Variants in ECSCR observed in about 807,000 individuals in gnomAD.
ECSCR encodes the protein endothelial cell surface expressed chemotaxis and apoptosis regulator.
Under a neutral mutation model 16.7 loss-of-function variants are expected in ECSCR, and 12 were observed. The observed-to-expected ratio is 0.72, with a 90% confidence interval of 0.46 to 1.17. The LOEUF (loss-of-function observed/expected upper bound fraction) is 1.17, where lower values mean the gene tolerates loss of function less well. Ranked by LOEUF, ECSCR falls within the 50% of genes most tolerant of loss-of-function variation. The pLI is 0.00. For missense variants in ECSCR, 122 were observed against 116.1 expected, an observed-to-expected ratio of 1.05 and a Z score of -0.23; for synonymous variants, 44 against 42.2, an observed-to-expected ratio of 1.04 and a Z score of -0.17.
In ECSCR at chr5:139,458,023, G is replaced by T. The variant is rs375893455; in HGVS notation, c.106+116C>A. ...GCCTTGGTGAGTCCTGAGAGCTCCC[G>T]CTCCAGCTGCGGCCCCAGCCCCCTG... On this transcript the variant is annotated intron_variant, in intron 2 of 9. Transcript: ENST00000618155. 11 of 1,265,302 alleles carry T rather than the reference G, an allele frequency of 8.7e-6. No homozygotes were observed. In the East Asian group the frequency reaches 2.3e-4, roughly 26 times the overall value. 78.4% of individuals were successfully genotyped at this position (1,265,302 alleles called of 1,614,324 possible). A position where few individuals can be genotyped will look rare whatever the true frequency, so the allele number is the denominator to read the frequency against.
At chr5:139,458,315 G>GTT in intron 1 of ECSCR, 132 bp from the exon 2 acceptor site, 2 of 712,824 alleles carry the variant, frequency 2.8e-6, no homozygotes. Context: ...AAAAAATTTT[G>GTT]TTTTGTTTTG....
chr5:139,454,783 G>T (rs988238881), intron 7 of ECSCR, 42 bp downstream of exon 7: 2 of 398,352 alleles, frequency 5.0e-6, no homozygotes, highest in Non-Finnish European at 8.8e-6. Context: ...CCCTGGGTCC[G>T]CCAGCAGAGG....
At chr5:139,459,368 C>G (rs764587042) in intron 1 of ECSCR, among the ~76,000 whole-genome samples, 1 of 152,096 alleles carries the variant, frequency 6.6e-6, no homozygotes, top group Non-Finnish European at 1.5e-5. Flanking sequence ...ATGAGCAACC[C>G]ATTCACTCTC....
chr5:139,452,471 T>TG (rs2152088543), intron 8 of ECSCR, among the ~76,000 whole-genome samples: 5 of 60,640 alleles, frequency 8.2e-5, no homozygotes, highest in South Asian at 1.1e-3. Flanking sequence ...GTGTGTGTAG[T>TG]GTGGGGTGTG....
At position 139,448,760 on chromosome 5, in the gene ECSCR, G is replaced by A. The variant is rs890591113; in HGVS notation, c.*140C>T. The A allele has an allele frequency of 6.8e-6, 10 of 1,467,654 alleles. No homozygotes were observed. The African/African-American group carries it at 1.4e-4, about 21-fold the overall frequency. 90.9% of individuals were successfully genotyped at this position (1,467,654 alleles called of 1,614,324 possible). A position where few individuals can be genotyped will look rare whatever the true frequency, so the allele number is the denominator to read the frequency against. ...CTCCCAGATCTGGGGCAATGCTAGT[G>A]TCCTTTAGATCTAGAAGCAGACATG... On this transcript the variant is annotated 3_prime_UTR_variant, in exon 10 of 10. Transcript: ENST00000618155.
At position 139,448,877 on chromosome 5, in the gene ECSCR, C is replaced by T; in HGVS notation, c.*23G>A. The T allele has an allele frequency of 6.5e-7, 1 of 1,537,244 alleles. No individual in the cohort carries two copies. The highest frequency in any genetic ancestry group is 8.7e-7 in the Non-Finnish European group (1 of 1,146,902). ...ACAGGGCAGCTGCATCATCCTTGGA[C>T]TCATGGGGACCCAAAGTTGCTTTTA... On this transcript the variant is annotated 3_prime_UTR_variant, in exon 10 of 10. Transcript: ENST00000618155.
intron 8 of ECSCR, among the ~76,000 whole-genome samples, chr5:139,454,113 A>G (rs1385157059): frequency 1.2e-4 from 10 of 82,788 alleles, no homozygotes; most frequent in Admixed American, 3.6e-4. Context: ...GTGATGTGTG[A>G]TGTGTGGGGT....
At chr5:139,449,262 C>A (rs544186967) in intron 8 of ECSCR, 88 bp from the exon 9 acceptor site, 6 of 962,726 alleles carry the variant, frequency 6.2e-6, no homozygotes, top group East Asian at 5.3e-5. Context: ...GAGCCTTAGA[C>A]CTTTGTCTCA....
intron 1 of ECSCR, 54 bp from the exon 2 acceptor site, chr5:139,458,237 C>G: frequency 6.6e-7 from 1 of 1,516,928 alleles, no homozygotes; most frequent in African/African-American, 1.4e-5. Flanking sequence ...CAGCACAGAG[C>G]CTAGAAAGGA....
rs1751132067 is a variant in ECSCR at position 139,455,307 on chromosome 5, C to T, written c.376+16G>A. On this transcript the variant is annotated intron_variant, in intron 6 of 9. Coordinates refer to ENST00000618155, the MANE Select transcript of ECSCR (RefSeq NM_001077693.4). Reference sequence around the variant, plus strand: ...AGGGGTTCCTCCTATGTCCCACCTTCTCCTTCCGGTCTCACCAAATGCAGC... The same window carrying T: ...AGGGGTTCCTCCTATGTCCCACCTTTTCCTTCCGGTCTCACCAAATGCAGC... 5 of 398,444 alleles carry T rather than the reference C, an allele frequency of 1.3e-5. No homozygotes were observed. The allele number at this position is 398,444 out of a possible 1,614,324, so 24.7% of individuals were successfully genotyped here.
chr5:139,454,820 C>T lies in ECSCR; in HGVS notation c.475+5G>A, dbSNP rs1451886046. The T allele has an allele frequency of 1.8e-5, 7 of 398,532 alleles. No individual in the cohort carries two copies. In the East Asian group the frequency reaches 2.1e-4, roughly 12 times the overall value. The allele number at this position is 398,532 out of a possible 1,614,324, so 24.7% of individuals were successfully genotyped here. A position where few individuals can be genotyped will look rare whatever the true frequency, so the allele number is the denominator to read the frequency against. On this transcript the variant is annotated splice_donor_5th_base_variant and intron_variant, in intron 7 of 9. Coordinates refer to ENST00000618155, the MANE Select transcript of ECSCR (RefSeq NM_001077693.4). ...GAAAAAGATCCCCGAGGGCAGGGCACGCACCTTCAGACTCCTTGCTCTTCC... is the reference window on the plus strand; with the variant it reads ...GAAAAAGATCCCCGAGGGCAGGGCATGCACCTTCAGACTCCTTGCTCTTCC...
rs371335597 is a variant in ECSCR, at chr5:139,449,617, GTGTGAGCCAC to G, written c.513-453_513-444del. ...GCCTCCCGAAGTGCTGGGATTACAGGTGTGAGCCACTGCACCTGGCCAAGACTTGCATTTA... is the reference window on the plus strand; with the variant it reads ...GCCTCCCGAAGTGCTGGGATTACAGGTGCACCTGGCCAAGACTTGCATTTA... On this transcript the variant is annotated intron_variant, in intron 8 of 9. Transcript: ENST00000618155. Among the ~76,000 whole-genome samples the G allele has an allele frequency of 2.2e-4, 33 of 152,292 alleles. No individual in the cohort carries two copies. The Middle Eastern group carries it at 0.01, about 47-fold the overall frequency.
At chr5:139,461,959 G>C (rs767652351) in intron 1 of ECSCR, among the ~76,000 whole-genome samples, 1 of 152,128 alleles carries the variant, frequency 6.6e-6, no homozygotes, top group Non-Finnish European at 1.5e-5. Context: ...CCCTATGAGC[G>C]GCTTCACAAC....
intron 8 of ECSCR, among the ~76,000 whole-genome samples, chr5:139,449,895 A>G (rs773191063): frequency 1.5e-5 from 2 of 136,856 alleles, no homozygotes; most frequent in Admixed American, 1.5e-4. Context: ...TAAAGCCTCA[A>G]TTTTTTTTTT....
chr5:139,452,235 T>C (rs1751071507), intron 8 of ECSCR, among the ~76,000 whole-genome samples: 1 of 98,028 alleles, frequency 1.0e-5, no homozygotes, highest in South Asian at 3.6e-4. Flanking sequence ...GGGGTGTGTG[T>C]GTATGATGTG....
chr5:139,458,182 G>A lies in ECSCR; in HGVS notation c.63C>T (p.Gly21=), dbSNP rs1363447430. ...WVILGFLLFR[G]HNSQPTMTQT... is the part of the protein sequence containing the mutation. Reference sequence around the variant, plus strand: ...GGGTCATTGTGGGCTGGGAGTTGTGGCCTGCAAGAGAAAGCAAAACACATA... The same window carrying A: ...GGGTCATTGTGGGCTGGGAGTTGTGACCTGCAAGAGAAAGCAAAACACATA... Residue 21 remains glycine, a splice_region_variant and synonymous_variant, in exon 2 of 10, where the codon GGC becomes GGT. Transcript: ENST00000618155. 2 of 1,549,728 alleles carry A rather than the reference G, an allele frequency of 1.3e-6. No homozygotes were observed. The highest frequency in any genetic ancestry group is 2.0e-5 in the Admixed American group (1 of 50,980).
chr5:139,458,500 C>CAAAAA (rs397882364), intron 1 of ECSCR, among the ~76,000 whole-genome samples: 71 of 85,352 alleles, frequency 8.3e-4, no homozygotes, highest in East Asian at 1.7e-3. Context: ...CCTATCTCAA[C>CAAAAA]AAAAAAAAAA....
At chr5:139,461,689 T>C (rs1263188667) in intron 1 of ECSCR, among the ~76,000 whole-genome samples, 2 of 152,158 alleles carry the variant, frequency 1.3e-5, no homozygotes, top group South Asian at 2.1e-4. Flanking sequence ...CTCCAGCCCA[T>C]GGACTTTTAG....
rs1751334735 is a variant in ECSCR, at chr5:139,462,616, A to G, written c.55T>C (p.Phe19Leu). Residue 19 changes from phenylalanine to leucine, a missense_variant, in exon 1 of 10, where the codon TTC (phenylalanine) becomes CTC (leucine). Phe to Leu is a conservative substitution (Grantham distance 22, BLOSUM62 0). Coordinates refer to ENST00000618155, the MANE Select transcript of ECSCR (RefSeq NM_001077693.4). The stretch of plus-strand genomic sequence containing the variant: ...AGCGGCAGGCACCTCTTACCTCGGA[A>G]CAGGAGGAAGCCCAGGATCACCCAG... The part of the protein sequence containing the change: ...LCWVILGFLL[F>L]RGHNSQPTMT... 1 of 1,597,502 alleles carries G rather than the reference A, an allele frequency of 6.3e-7. No homozygotes were observed. Among genetic ancestry groups the G allele is most frequent in the Admixed American group, 1.7e-5 (1 of 57,454 alleles).
Sources: gnomAD v4.1 joint callset for allele counts (sites outside exome capture counted in the v4.1 genomes callset) on GRCh38, gnomAD v4.1.1 for gene constraint, MANE v1.5 for transcripts, NCBI Gene and HGNC (gene_info 2026-07-23, HGNC 2026-07-21) for gene names.